The following MIDEAS variants were observed in gnomAD, a reference collection of about 807,000 sequenced individuals.
MIDEAS encodes mitotic deacetylase-associated SANT domain protein.
A neutral mutation model predicts 102.7 loss-of-function variants in MIDEAS; 26 were observed. The ratio of observed to expected loss-of-function variants is 0.25; its 90% CI spans 0.19 to 0.35. The LOEUF (loss-of-function observed/expected upper bound fraction) is 0.35, where lower values mean the gene tolerates loss of function less well. Ranked by LOEUF, MIDEAS falls within the 10% of genes least tolerant of loss-of-function variation. MIDEAS has a pLI of 1.00. For synonymous variants in MIDEAS, 585 were observed against 591.0 expected (o/e 0.99, Z 0.15); for missense variants, 1,231 against 1,435.6 (o/e 0.86, Z 2.30).
At position 73,721,418 on chromosome 14, in the gene MIDEAS, C is replaced by G; in HGVS notation, c.2816G>C (p.Arg939Thr). 1 of 1,614,164 alleles carries G rather than the reference C, an allele frequency of 6.2e-7. No homozygotes were observed. Among genetic ancestry groups the G allele is most frequent in the Middle Eastern group, 1.6e-4 (1 of 6,062 alleles). ...TGGCACCTCCTCCTCCCCCTCCTTCCTGGGCTCCTTCACCTCCCTCTTGGG... is the reference window on the plus strand; with the variant it reads ...TGGCACCTCCTCCTCCCCCTCCTTCGTGGGCTCCTTCACCTCCCTCTTGGG... Reference protein sequence around the residue: ...LEPKREVKEPRKEGEEEVPEI... With the variant: ...LEPKREVKEPTKEGEEEVPEI... The change falls in exon 11 of 13, where the codon AGG becomes ACG. Residue 939 changes from arginine (R) to threonine (T), a missense_variant. Physicochemically the swap from Arg to Thr is moderately conservative, Grantham distance 71 (BLOSUM62 -1). Coordinates refer to ENST00000423556, the MANE Select transcript of MIDEAS (RefSeq NM_001367710.1).
Position 73,738,797 on chromosome 14 carries a change from C to A in MIDEAS, c.1212G>T (p.Leu404=). The change falls in exon 2 of 13, where the codon CTG becomes CTT. Residue 404 remains leucine, a synonymous_variant. Transcript: ENST00000423556. ...CATCAGGCAGTAGCTGCGACTCCCT[C>A]AGCTCCAGCGGGAATCCCAGAGCTT... The part of the protein sequence containing the change: ...HPEALGFPLE[L]RESQLLPDGE... 1 of 1,577,386 alleles carries A rather than the reference C, an allele frequency of 6.3e-7. No individual in the cohort carries two copies. Among genetic ancestry groups the A allele is most frequent in the Non-Finnish European group, 8.6e-7 (1 of 1,160,748 alleles).
chr14:73,767,469 C>T (rs1057506570), intron 1 of MIDEAS, among the ~76,000 whole-genome samples: 7 of 150,940 alleles, frequency 4.6e-5, no homozygotes, highest in Non-Finnish European at 4.4e-5. Context: ...AGACCTGTCT[C>T]GAAAAAAAAA....
chr14:73,755,491 A>G (rs965705436), intron 1 of MIDEAS, among the ~76,000 whole-genome samples: 1 of 152,224 alleles, frequency 6.6e-6, no homozygotes, highest in African/African-American at 2.4e-5. Flanking sequence ...GCGAGGTCAC[A>G]CTGCGAGGCT....
intron 3 of MIDEAS, among the ~76,000 whole-genome samples, 186 bp downstream of exon 3, chr14:73,736,812 G>A (rs945027236): frequency 1.3e-5 from 2 of 152,128 alleles, no homozygotes; most frequent in African/African-American, 4.8e-5. Flanking sequence ...TCCCCCATTA[G>A]GAGGGGGACA....
At chr14:73,769,913 TG>T (rs57653729) in intron 1 of MIDEAS, among the ~76,000 whole-genome samples, 29,507 of 137,022 alleles carry the variant, frequency 0.22, 4,214 homozygotes, top group East Asian at 0.7. Context: ...TTTTTTTTTT[TG>T]TTTTTTTTTT....
chr14:73,729,647 G>A lies in MIDEAS; in HGVS notation c.2088C>T (p.Leu696=), dbSNP rs371288164. ...ITPKSAHRTL[L]RTNSAEVTPP... is the part of the protein sequence containing the mutation. ...CGGAGGGAGGTCACTCACTAGTCCGGAGCAGCGTGCGATGGGCACTCTTAG... is the reference window on the plus strand; with the variant it reads ...CGGAGGGAGGTCACTCACTAGTCCGAAGCAGCGTGCGATGGGCACTCTTAG... Residue 696 remains leucine, a synonymous_variant, in exon 4 of 13, where the codon CTC becomes CTT. Coordinates refer to ENST00000423556, the MANE Select transcript of MIDEAS (RefSeq NM_001367710.1). The A allele has an allele frequency of 6.2e-7, 1 of 1,606,914 alleles. No individual in the cohort carries two copies.
At chr14:73,735,835 C>T (rs2053193091) in intron 3 of MIDEAS, among the ~76,000 whole-genome samples, 1 of 152,220 alleles carries the variant, frequency 6.6e-6, no homozygotes, top group Admixed American at 6.5e-5. Context: ...TACAAAATCA[C>T]ACTTGTATCT....
chr14:73,782,313 C>G (rs921570017), intron 1 of MIDEAS, among the ~76,000 whole-genome samples: 2 of 151,982 alleles, frequency 1.3e-5, no homozygotes, highest in African/African-American at 4.8e-5. Context: ...TTGGGCAAAA[C>G]AAGCATGCGG....
chr14:73,746,884 C>A (rs994742100), intron 1 of MIDEAS, among the ~76,000 whole-genome samples: 1 of 152,210 alleles, frequency 6.6e-6, no homozygotes, highest in Non-Finnish European at 1.5e-5. Context: ...CTGGGAGACA[C>A]AGGAGACACA....
chr14:73,784,273 G>A (rs796467993), intron 1 of MIDEAS, among the ~76,000 whole-genome samples: 23 of 152,370 alleles, frequency 1.5e-4, no homozygotes, highest in African/African-American at 5.5e-4. Context: ...GTAAGGTGAA[G>A]GAGGAAGTCA....
intron 1 of MIDEAS, among the ~76,000 whole-genome samples, chr14:73,755,412 T>C (rs1219096235): frequency 6.6e-6 from 1 of 152,228 alleles, no homozygotes; most frequent in African/African-American, 2.4e-5. Flanking sequence ...GCACATAATT[T>C]TAATGGGTAA....
chr14:73,786,595 T>C (rs949460868), intron 1 of MIDEAS, among the ~76,000 whole-genome samples: 1 of 152,168 alleles, frequency 6.6e-6, no homozygotes, highest in African/African-American at 2.4e-5. Context: ...CGTAGGGTTG[T>C]TTTCCCAAAC....
At chr14:73,726,342 G>A (rs147860112) in intron 7 of MIDEAS, among the ~76,000 whole-genome samples, 5 of 152,328 alleles carry the variant, frequency 3.3e-5, no homozygotes, top group Non-Finnish European at 5.9e-5. Context: ...CAGCACTGCT[G>A]GAGAAGGCTC....
chr14:73,761,461 TG>T, upstream of MIDEAS, among the ~76,000 whole-genome samples: 1 of 152,310 alleles, frequency 6.6e-6, no homozygotes. Flanking sequence ...CATGTACACC[TG>T]GAAGTCACAC....
At chr14:73,780,478 G>A (rs56196901) in intron 1 of MIDEAS, among the ~76,000 whole-genome samples, 7,096 of 152,268 alleles carry the variant, frequency 0.047, 177 homozygotes, top group Middle Eastern at 0.088. Flanking sequence ...ACTATTCCTC[G>A]GGTTCTTCAT....
In MIDEAS at chr14:73,739,695, C is replaced by T. The variant is rs769234427; in HGVS notation, c.314G>A (p.Gly105Glu). 3 of 1,613,906 alleles carry T rather than the reference C, an allele frequency of 1.9e-6. No homozygotes were observed. The Admixed American group carries it at 5.0e-5, about 27-fold the overall frequency. Residue 105 changes from glycine (G) to glutamate (E), a missense_variant, in exon 2 of 13, where the codon GGG becomes GAG. Gly to Glu is a moderately conservative substitution (Grantham distance 98). Transcript: ENST00000423556. ...VKWPNSVMAP[G>E]RGPERGGGGG... ...ACCTCCTCCACGCTCCGGGCCCCGC[C>T]CTGGAGCCATCACAGAGTTGGGCCA...
intron 1 of MIDEAS, among the ~76,000 whole-genome samples, chr14:73,741,727 G>A (rs758040197): frequency 5.3e-5 from 8 of 152,132 alleles, no homozygotes; most frequent in African/African-American, 1.9e-4. Flanking sequence ...ACTCACTGAG[G>A]GCCCCCTCCC....
intron 1 of MIDEAS, among the ~76,000 whole-genome samples, chr14:73,741,138 T>C (rs971571091): frequency 2.0e-5 from 3 of 152,106 alleles, no homozygotes; most frequent in African/African-American, 7.2e-5. Flanking sequence ...CCCTGGCAAA[T>C]AGTGTAACTC....
At chr14:73,737,697 G>A (rs1299091546) in intron 2 of MIDEAS, among the ~76,000 whole-genome samples, 5 of 151,554 alleles carry the variant, frequency 3.3e-5, no homozygotes, top group African/African-American at 7.3e-5. Context: ...ATTTAGTCAC[G>A]GGACTCAAAC....
Sources: allele counts gnomAD v4.1 joint callset (sites outside exome capture counted in the v4.1 genomes callset), GRCh38; gene constraint gnomAD v4.1.1; transcripts MANE v1.5; gene names NCBI Gene and HGNC (gene_info 2026-07-23, HGNC 2026-07-21).